Variants in CYP19A1 observed in about 807,000 individuals in gnomAD.
CYP19A1 encodes aromatase.
Under a neutral mutation model 44.4 loss-of-function variants are expected in CYP19A1, and 32 were observed. That is an observed-to-expected ratio of 0.72 (90% confidence interval 0.54 to 0.97). The LOEUF (loss-of-function observed/expected upper bound fraction) is 0.97. Ranked by LOEUF, CYP19A1 falls within the 50% of genes least tolerant of loss-of-function variation. The pLI, the probability that CYP19A1 is intolerant of heterozygous loss-of-function variation, is 0.00. For missense variants in CYP19A1, 598 were observed against 637.8 expected (o/e 0.94, Z 0.67); for synonymous variants, 212 against 215.6 (o/e 0.98, Z 0.14).
intron 1 of CYP19A1, among the ~76,000 whole-genome samples, chr15:51,286,645 C>T (rs1006574927): frequency 6.6e-6 from 1 of 152,200 alleles, no homozygotes; most frequent in Non-Finnish European, 1.5e-5. Flanking sequence ...GAAGACCCTT[C>T]CACCATGAGT....
At chr15:51,255,993 A>C (rs2034499048) in intron 1 of CYP19A1, among the ~76,000 whole-genome samples, 1 of 152,172 alleles carries the variant, frequency 6.6e-6, no homozygotes, top group African/African-American at 2.4e-5. Context: ...ATCATTGCCC[A>C]ATTTTATGGG....
intron 5 of CYP19A1, among the ~76,000 whole-genome samples, chr15:51,220,544 T>G (rs2031981572): frequency 2.0e-5 from 3 of 152,236 alleles, no homozygotes. Context: ...AAAGTCACAT[T>G]GAGTTGTACA....
At chr15:51,298,122 C>A (rs1345002383) in intron 1 of CYP19A1, among the ~76,000 whole-genome samples, 1 of 152,162 alleles carries the variant, frequency 6.6e-6, no homozygotes, top group Non-Finnish European at 1.5e-5. Context: ...AAGGGGAGTA[C>A]TGCATCAAGA....
chr15:51,212,497 C>T lies in CYP19A1; in HGVS notation c.1086G>A (p.Glu362=). The change falls in exon 9 of 10, where the codon GAG becomes GAA. Residue 362 remains glutamate (E), a synonymous_variant. Transcript: ENST00000396402. ...KLKVMENFIY[E]SMRYQPVVDL... ...CCACGACAGGCTGGTACCGCATGCT[C>T]TCATAAATGAAGTTTTCCATCACTT... 1 of 1,587,598 alleles carries T rather than the reference C, an allele frequency of 6.3e-7. No individual in the cohort carries two copies. Among genetic ancestry groups the T allele is most frequent in the Non-Finnish European group, 8.7e-7 (1 of 1,155,872 alleles).
chr15:51,251,363 A>G (rs933975261), intron 1 of CYP19A1, among the ~76,000 whole-genome samples: 1 of 152,184 alleles, frequency 6.6e-6, no homozygotes, highest in Non-Finnish European at 1.5e-5. Flanking sequence ...TTGGCATCCA[A>G]GATTTGTCAC....
intron 1 of CYP19A1, among the ~76,000 whole-genome samples, chr15:51,294,368 C>A (rs573922672): frequency 2.0e-5 from 3 of 151,432 alleles, no homozygotes; most frequent in African/African-American, 4.9e-5. Flanking sequence ...GGCCGCGACC[C>A]CATCTGGGAG....
At chr15:51,294,709 C>CCCCCCACCCGGCCAGCCGA (rs2035950027) in intron 1 of CYP19A1, among the ~76,000 whole-genome samples, 1 of 150,288 alleles carries the variant, frequency 6.7e-6, no homozygotes, top group Admixed American at 6.6e-5. Context: ...CGGCCAGCCG[C>CCCCCCACCCGGCCAGCCGA]CCCGTCTGGC....
chr15:51,223,593 T>TCTCTCTCACACACA lies in CYP19A1; in HGVS notation c.452-1069_452-1068insTGTGTGTGAGAGAG, dbSNP rs1356666512. On this transcript the variant is annotated intron_variant, in intron 4 of 9. Coordinates refer to ENST00000396402, the MANE Select transcript of CYP19A1 (RefSeq NM_000103.4). ...CTTGCTCTCTCTCTCTCTCTCTCTC[T>TCTCTCTCACACACA]CACACACACACACACACACACACAC... Among the ~76,000 whole-genome samples, 161 of 90,208 alleles carry TCTCTCTCACACACA rather than the reference T, an allele frequency of 1.8e-3. 1 individual carries two copies. Among genetic ancestry groups the TCTCTCTCACACACA allele is most frequent in the Non-Finnish European group, 2.4e-3 (109 of 45,486 alleles). 59.2% of individuals were successfully genotyped at this position (90,208 alleles called of 152,430 possible). A position where few individuals can be genotyped will look rare whatever the true frequency, so the allele number is the denominator to read the frequency against.
At chr15:51,280,905 C>T (rs1427662034) in intron 1 of CYP19A1, among the ~76,000 whole-genome samples, 1 of 152,182 alleles carries the variant, frequency 6.6e-6, no homozygotes, top group Non-Finnish European at 1.5e-5. Flanking sequence ...CACATGAGCT[C>T]CATATTCCAG....
At chr15:51,226,812 A>G (rs944624364) in intron 4 of CYP19A1, among the ~76,000 whole-genome samples, 6 of 152,266 alleles carry the variant, frequency 3.9e-5, no homozygotes, top group Middle Eastern at 3.4e-3. Flanking sequence ...TGGATAAGGA[A>G]GCTTGCAACT....
At chr15:51,289,636 C>T (rs1255751426) in intron 1 of CYP19A1, among the ~76,000 whole-genome samples, 2 of 152,196 alleles carry the variant, frequency 1.3e-5, no homozygotes, top group East Asian at 3.8e-4. Flanking sequence ...CTCCAGCCAG[C>T]CAGGGTTCCT....
chr15:51,319,421 T>G (rs1440857643), intron 1 of CYP19A1, among the ~76,000 whole-genome samples: 1 of 152,236 alleles, frequency 6.6e-6, no homozygotes. Flanking sequence ...AAGCAGATCC[T>G]GTTAGATACA....
chr15:51,294,192 G>A (rs544317637), intron 1 of CYP19A1, among the ~76,000 whole-genome samples: 1,678 of 133,538 alleles, frequency 0.013, 170 homozygotes, highest in African/African-American at 0.026. Context: ...AGTGAGGAGC[G>A]TCTCTGCCCG....
Position 51,223,858 on chromosome 15 carries a change from C to A in CYP19A1, c.452-1333G>T, listed in dbSNP as rs2899472. 0.17 allele frequency among the ~76,000 whole-genome samples: 26,317 copies of A among 151,944 alleles called. 3,051 individuals carry two copies. The highest frequency in any genetic ancestry group is 0.25 in the Non-Finnish European group (17,083 of 67,918). ...CAGCAAGCAGGACAAATGACTCAAC[C>A]CTTTGTGTGGAAGGGTTGGCTTAGA... On this transcript the variant is annotated intron_variant, in intron 4 of 9. Transcript: ENST00000396402.
chr15:51,247,015 G>C (rs1039345886), intron 1 of CYP19A1, among the ~76,000 whole-genome samples: 2 of 152,158 alleles, frequency 1.3e-5, no homozygotes, highest in African/African-American at 4.8e-5. Context: ...ACTACTGCCT[G>C]ATCTGTACCT....
intron 1 of CYP19A1, chr15:51,315,933 C>T (rs190055086): frequency 3.9e-5 from 6 of 152,302 alleles, no homozygotes; most frequent in African/African-American, 4.8e-5. Flanking sequence ...AGGGCTCTCA[C>T]GCAGGGTTAG....
At chr15:51,223,596 C>T (rs909722531) in intron 4 of CYP19A1, among the ~76,000 whole-genome samples, 13 of 133,140 alleles carry the variant, frequency 9.8e-5, no homozygotes, top group Non-Finnish European at 1.4e-4. Flanking sequence ...CTCTCTCTCA[C>T]ACACACACAC....
rs2035685860 is a variant in CYP19A1 at position 51,285,975 on chromosome 15, GC to G, written c.-38-43026del. On this transcript the variant is annotated intron_variant, in intron 1 of 9. Coordinates refer to ENST00000396402, the MANE Select transcript of CYP19A1 (RefSeq NM_000103.4). ...AGTCTCACTCCTAAACACCTTACTTGCCCCCCATCCAGACGGCACCAGCTTT... is the reference window on the plus strand; with the variant it reads ...AGTCTCACTCCTAAACACCTTACTTGCCCCCATCCAGACGGCACCAGCTTT... Among the ~76,000 whole-genome samples the G allele has an allele frequency of 2.0e-5, 3 of 152,038 alleles. No individual in the cohort carries two copies. In the East Asian group the frequency reaches 5.8e-4, roughly 29 times the overall value.
chr15:51,308,443 G>C (rs1370860106), intron 1 of CYP19A1, among the ~76,000 whole-genome samples: 2 of 152,012 alleles, frequency 1.3e-5, no homozygotes, highest in Non-Finnish European at 2.9e-5. Flanking sequence ...TTTTAAAGAG[G>C]GGAATAAGCA....
Sources: gnomAD v4.1 joint callset for allele counts (sites outside exome capture counted in the v4.1 genomes callset) on GRCh38, gnomAD v4.1.1 for gene constraint, MANE v1.5 for transcripts, NCBI Gene and HGNC (gene_info 2026-07-23, HGNC 2026-07-21) for gene names.